The following MDGA2 variants were observed in gnomAD, a reference collection of about 807,000 sequenced individuals.
The protein encoded by MDGA2 is MAM domain containing glycosylphosphatidylinositol anchor 2, also known as MAM domain-containing glycosylphosphatidylinositol anchor protein 2.
MDGA2 carries 40 observed loss-of-function variants against 117.8 expected under a neutral mutation model. That is an observed-to-expected ratio of 0.34 (90% CI 0.26 to 0.44). The LOEUF is 0.44. Ranked by LOEUF, MDGA2 falls within the 20% of genes least tolerant of loss-of-function variation. MDGA2 has a pLI of 1.00. For synonymous variants in MDGA2, 452 were observed against 439.0 expected, an observed-to-expected ratio of 1.03 and a Z score of -0.37; for missense variants, 1,123 against 1,250.6, an observed-to-expected ratio of 0.90 and a Z score of 1.54.
intron 8 of MDGA2, among the ~76,000 whole-genome samples, chr14:47,011,581 C>A (rs1160335392): frequency 6.6e-6 from 1 of 151,908 alleles, no homozygotes; most frequent in African/African-American, 2.4e-5. Context: ...ATTCCACTAA[C>A]TGTATATGTA....
intron 9 of MDGA2, among the ~76,000 whole-genome samples, chr14:46,926,137 G>A (rs777368366): frequency 1.3e-5 from 2 of 152,142 alleles, no homozygotes; most frequent in East Asian, 3.8e-4. Context: ...TTACTCTAAA[G>A]TCCAGTTATT....
chr14:47,324,816 G>T (rs961839790), intron 1 of MDGA2, among the ~76,000 whole-genome samples: 8 of 151,924 alleles, frequency 5.3e-5, no homozygotes, highest in Admixed American at 3.3e-4. Context: ...TGTAAATGTT[G>T]TAATTCAGTA....
Position 47,174,678 on chromosome 14 carries a change from C to T in MDGA2, c.596-30404G>A, listed in dbSNP as rs561756445. On this transcript the variant is annotated intron_variant, in intron 3 of 16. Transcript: ENST00000399232. ...GTAGATGGAAATTTATAGCAGTAAA[C>T]GCCCACAAGAGAAAGCAGGAAAGAT... Among the ~76,000 whole-genome samples, 37 of 152,030 alleles carry T rather than the reference C, an allele frequency of 2.4e-4. No individual in the cohort carries two copies. The East Asian group carries it at 5.0e-3, about 21-fold the overall frequency.
intron 1 of MDGA2, among the ~76,000 whole-genome samples, chr14:47,575,933 T>A (rs1221261960): frequency 6.6e-6 from 1 of 152,194 alleles, no homozygotes; most frequent in Non-Finnish European, 1.5e-5. Context: ...ATGATGCATT[T>A]TGGAATTCAG....
chr14:46,932,757 G>A (rs1352452397), intron 9 of MDGA2, among the ~76,000 whole-genome samples: 2 of 151,598 alleles, frequency 1.3e-5, no homozygotes, highest in Admixed American at 1.3e-4. Context: ...AACTACTTGG[G>A]TTTTCAGAAA....
At chr14:46,958,152 G>A (rs1188898992) in intron 8 of MDGA2, among the ~76,000 whole-genome samples, 2 of 152,174 alleles carry the variant, frequency 1.3e-5, no homozygotes, top group Non-Finnish European at 2.9e-5. Context: ...ATGACACTAT[G>A]AGAGTTGACC....
chr14:47,232,044 A>G (rs1886710373), intron 2 of MDGA2, among the ~76,000 whole-genome samples: 1 of 152,056 alleles, frequency 6.6e-6, no homozygotes, highest in African/African-American at 2.4e-5. Context: ...TCATCATCTC[A>G]TTCCACTTTT....
chr14:46,928,534 C>T (rs963592200), intron 9 of MDGA2, among the ~76,000 whole-genome samples: 2 of 143,054 alleles, frequency 1.4e-5, no homozygotes, highest in Non-Finnish European at 3.1e-5. Flanking sequence ...AGCTTTGTAA[C>T]TCAGTATTTA....
chr14:47,508,081 TG>T (rs1894553876), intron 1 of MDGA2, among the ~76,000 whole-genome samples: 1 of 152,234 alleles, frequency 6.6e-6, no homozygotes, highest in Admixed American at 6.5e-5. Context: ...GATATAGTAG[TG>T]TAATCATTTC....
At chr14:47,383,575 C>T (rs549629965) in intron 1 of MDGA2, among the ~76,000 whole-genome samples, 18 of 152,036 alleles carry the variant, frequency 1.2e-4, no homozygotes, top group Non-Finnish European at 2.1e-4. Flanking sequence ...GTCTCACTTT[C>T]TCGCCCAGGC....
chr14:47,604,762 A>C (rs1232472744), intron 1 of MDGA2, among the ~76,000 whole-genome samples: 1 of 152,160 alleles, frequency 6.6e-6, no homozygotes, highest in Non-Finnish European at 1.5e-5. Context: ...CTTTCAGTGG[A>C]AATGATCTTG....
intron 15 of MDGA2, among the ~76,000 whole-genome samples, chr14:46,847,919 C>A (rs767526714): frequency 2.0e-5 from 3 of 151,912 alleles, no homozygotes; most frequent in Non-Finnish European, 4.4e-5. Flanking sequence ...GTTTTTAAGT[C>A]TTGGGGTATA....
At chr14:47,425,380 A>G (rs1001756773) in intron 1 of MDGA2, among the ~76,000 whole-genome samples, 3 of 152,172 alleles carry the variant, frequency 2.0e-5, no homozygotes, top group African/African-American at 7.2e-5. Context: ...TACATGTACA[A>G]ACAGTTACCT....
rs747710884 is a variant in MDGA2 at position 47,301,475 on chromosome 14, T to C, written c.356A>G (p.Tyr119Cys). ...IEEERYSERV[Y>C]TIREGETLEL... Reference sequence around the variant, plus strand: ...AAGGGTTTCTCCTTCCCGGATAGTGTAGACCCTTTCGGAGTAGCGCTCCTC... The same window carrying C: ...AAGGGTTTCTCCTTCCCGGATAGTGCAGACCCTTTCGGAGTAGCGCTCCTC... The change falls in exon 2 of 17, where the codon TAC becomes TGC. Residue 119 changes from tyrosine to cysteine, a missense_variant. Transcript: ENST00000399232. The C allele has an allele frequency of 6.4e-7, 1 of 1,551,776 alleles. No individual in the cohort carries two copies. The highest frequency in any genetic ancestry group is 1.2e-5 in the South Asian group (1 of 84,066).
chr14:46,938,051 A>G (rs945499327), intron 9 of MDGA2, among the ~76,000 whole-genome samples: 7 of 152,198 alleles, frequency 4.6e-5, no homozygotes, highest in Non-Finnish European at 8.8e-5. Context: ...AACTATTCAT[A>G]TTACAGGGAA....
intron 1 of MDGA2, among the ~76,000 whole-genome samples, chr14:47,334,992 T>A (rs901933771): frequency 6.6e-6 from 1 of 151,898 alleles, no homozygotes; most frequent in Non-Finnish European, 1.5e-5. Flanking sequence ...AATTGGGTGG[T>A]TTGTAAGATA....
chr14:47,085,595 T>C lies in MDGA2; in HGVS notation c.1195+11259A>G, dbSNP rs913788489. Among the ~76,000 whole-genome samples the C allele has an allele frequency of 5.5e-4, 82 of 149,248 alleles. 3 individuals are homozygous for C. The highest frequency in any genetic ancestry group is 5.4e-3 in the Admixed American group (80 of 14,828). On this transcript the variant is annotated intron_variant, in intron 6 of 16. Coordinates refer to ENST00000399232, the MANE Select transcript of MDGA2 (RefSeq NM_001113498.3). ...CATCTGATTATGCATGCTATGAAAA[T>C]TGGTAAATACTATAAATCAAGTCTT...
intron 1 of MDGA2, among the ~76,000 whole-genome samples, chr14:47,661,045 T>C (rs189368036): frequency 6.6e-6 from 1 of 152,310 alleles, no homozygotes; most frequent in African/African-American, 2.4e-5. Flanking sequence ...CAAGCTAAAA[T>C]GTATTATTAC....
intron 1 of MDGA2, among the ~76,000 whole-genome samples, chr14:47,483,749 T>A (rs2138639235): frequency 6.6e-6 from 1 of 152,322 alleles, no homozygotes; most frequent in Middle Eastern, 3.4e-3. Context: ...CCACTCACAC[T>A]GGCAAATCTC....
Sources: allele counts gnomAD v4.1 joint callset (sites outside exome capture counted in the v4.1 genomes callset), GRCh38; gene constraint gnomAD v4.1.1; transcripts MANE v1.5; gene names NCBI Gene and HGNC (gene_info 2026-07-23, HGNC 2026-07-21).